Variants in SLC39A2 observed in about 807,000 individuals in gnomAD.
SLC39A2 encodes solute carrier family 39 member 2.
In SLC39A2, 14 loss-of-function variants were observed where a neutral mutation model predicts 18.0. The ratio of observed to expected loss-of-function variants is 0.78; its 90% CI spans 0.51 to 1.22. The LOEUF is 1.22. Among genes scored for constraint, SLC39A2 ranks in the 50% most tolerant of loss-of-function variants. The pLI is 0.00. For missense variants in SLC39A2, 375 were observed against 370.6 expected (o/e 1.01, Z -0.10); for synonymous variants, 152 against 153.1 (o/e 0.99, Z 0.05).
In SLC39A2 at chr14:21,001,091, G is replaced by A. The variant is rs773756116; in HGVS notation, c.442G>A (p.Glu148Lys). ...DEEWGGAHIF[E>K]LHSHGHLPSP... is the part of the protein sequence containing the mutation. ...AGAATGGGGTGGGGCTCATATCTTC[G>A]AACTCCACAGCCATGGACATTTACC... The change falls in exon 4 of 4, where the codon GAA becomes AAA. Residue 148 changes from glutamate (E) to lysine (K), a missense_variant. By Grantham distance (56) the Glu-to-Lys change is moderately conservative (BLOSUM62 1). Transcript: ENST00000298681. The A allele has an allele frequency of 2.7e-5, 43 of 1,612,884 alleles. No homozygotes were observed. The highest frequency in any genetic ancestry group is 6.7e-5 in the East Asian group (3 of 44,854).
chr14:20,999,977 A>C lies in SLC39A2; in HGVS notation c.246+105A>C, dbSNP rs1880556303. On this transcript the variant is annotated intron_variant, in intron 2 of 3. Coordinates refer to ENST00000298681, the MANE Select transcript of SLC39A2 (RefSeq NM_014579.4). ...TGGAGCCAAGGACATGGGTGGAACG[A>C]CAAGGAAAATGACAGCTCTTGTGTG... 36 of 1,517,626 alleles carry C rather than the reference A, an allele frequency of 2.4e-5. No homozygotes were observed. The Admixed American group carries it at 6.5e-4, about 27-fold the overall frequency. 94.0% of individuals were successfully genotyped at this position (1,517,626 alleles called of 1,614,324 possible). A position where few individuals can be genotyped will look rare whatever the true frequency, so the allele number is the denominator to read the frequency against.
At chr14:21,000,541 G>A (rs548872523) in intron 3 of SLC39A2, among the ~76,000 whole-genome samples, 1 of 152,210 alleles carries the variant, frequency 6.6e-6, no homozygotes, top group South Asian at 2.1e-4. Flanking sequence ...GCACAATCTC[G>A]GCTCACTGCA....
In SLC39A2 at chr14:21,001,630, C is replaced by T; in HGVS notation, c.*51C>T. 1.3e-6 allele frequency: 2 copies of T among 1,497,398 alleles called. No homozygotes were observed. Among genetic ancestry groups the T allele is most frequent in the South Asian group, 2.8e-5 (2 of 71,160 alleles). 92.8% of individuals were successfully genotyped at this position (1,497,398 alleles called of 1,614,324 possible). On this transcript the variant is annotated 3_prime_UTR_variant, in exon 4 of 4. Coordinates refer to ENST00000298681, the MANE Select transcript of SLC39A2 (RefSeq NM_014579.4). ...CTATTTAGGACAACCTCTCTATCCC[C>T]AGGGAGACCTCCCAAATGGCTTTGA...
chr14:20,999,894 C>T (rs774959083), intron 2 of SLC39A2, 22 bp downstream of exon 2: 42 of 1,613,226 alleles, frequency 2.6e-5, no homozygotes, highest in Non-Finnish European at 3.4e-5. Flanking sequence ...GATTTCAAGC[C>T]GCAGGTCTAT....
At position 20,999,506 on chromosome 14, in the gene SLC39A2, G is replaced by A; in HGVS notation, c.60G>A (p.Leu20=). ...GCLFALLALT[L]GCGLTPICFK... ...TGTTTGCCCTGTTGGCTCTCACTCTGGGCTGTGGCCTTACTCCCATCTGCT... is the reference window on the plus strand; with the variant it reads ...TGTTTGCCCTGTTGGCTCTCACTCTAGGCTGTGGCCTTACTCCCATCTGCT... Residue 20 remains leucine, a synonymous_variant, in exon 1 of 4, where the codon CTG becomes CTA. Coordinates refer to ENST00000298681, the MANE Select transcript of SLC39A2 (RefSeq NM_014579.4). 1 of 1,614,142 alleles carries A rather than the reference G, an allele frequency of 6.2e-7. No individual in the cohort carries two copies. The highest frequency in any genetic ancestry group is 8.5e-7 in the Non-Finnish European group (1 of 1,180,022).
In SLC39A2 at chr14:20,999,397, T is replaced by C. The variant is rs766577144; in HGVS notation, c.-50T>C. ...TAAGATACCACTCCTGCTCCAAAGATTACAGCTCCCTTGTCATTCTGACTC... is the reference window on the plus strand; with the variant it reads ...TAAGATACCACTCCTGCTCCAAAGACTACAGCTCCCTTGTCATTCTGACTC... On this transcript the variant is annotated 5_prime_UTR_variant, in exon 1 of 4. Transcript: ENST00000298681. The C allele has an allele frequency of 7.8e-6, 11 of 1,409,348 alleles. No individual in the cohort carries two copies. The highest frequency in any genetic ancestry group is 1.1e-5 in the Non-Finnish European group (11 of 993,920). 87.3% of individuals were successfully genotyped at this position (1,409,348 alleles called of 1,614,324 possible).
Position 21,001,601 on chromosome 14 carries a change from G to A in SLC39A2, c.*22G>A, listed in dbSNP as rs780070956. On this transcript the variant is annotated 3_prime_UTR_variant, in exon 4 of 4. Coordinates refer to ENST00000298681, the MANE Select transcript of SLC39A2 (RefSeq NM_014579.4). ...CTGAGAGATTCCTGGCTTTTCTGATGGACCTATTTAGGACAACCTCTCTAT... is the reference window on the plus strand; with the variant it reads ...CTGAGAGATTCCTGGCTTTTCTGATAGACCTATTTAGGACAACCTCTCTAT... The A allele has an allele frequency of 1.3e-6, 2 of 1,528,580 alleles. No individual in the cohort carries two copies. The highest frequency in any genetic ancestry group is 1.8e-6 in the Non-Finnish European group (2 of 1,141,000). 94.7% of individuals were successfully genotyped at this position (1,528,580 alleles called of 1,614,324 possible).
At position 21,000,113 on chromosome 14, in the gene SLC39A2, TAGAAC is replaced by T. The variant is rs1257092232; in HGVS notation, c.248_252del (p.Asn83IlefsTer4). 4 of 1,612,028 alleles carry T rather than the reference TAGAAC, an allele frequency of 2.5e-6. No individual in the cohort carries two copies. Among genetic ancestry groups the T allele is most frequent in the African/African-American group, 1.3e-5 (1 of 74,856 alleles). On this transcript the variant is annotated splice_acceptor_variant and coding_sequence_variant, in exon 3 of 4. Transcript: ENST00000298681. LOFTEE classifies it high-confidence loss of function. ...CATCTAATTTCTGCTGCTTTCTTCT[TAGAAC>T]AGATCAGCAAGTGAGAGAAATTCTT...
rs1484129477 is a variant in SLC39A2 at position 21,000,133 on chromosome 14, G to C, written c.264G>C (p.Glu88Asp). 8.7e-6 allele frequency: 14 copies of C among 1,613,188 alleles called. 2 individuals are homozygous for C. The highest frequency in any genetic ancestry group is 3.3e-4 in the Middle Eastern group (2 of 6,082). Residue 88 changes from glutamate to aspartate, a missense_variant, in exon 3 of 4, where the codon GAG (glutamate) becomes GAC (aspartate). Glu to Asp is a conservative substitution (Grantham distance 45). Transcript: ENST00000298681. ...CTTCTTAGAACAGATCAGCAAGTGA[G>C]AGAAATTCTTCTGGTGATGCTGATT... ...KFMVQNRSAS[E>D]RNSSGDADSA...
Position 21,001,573 on chromosome 14 carries a change from G to A in SLC39A2, c.924G>A (p.Trp308Ter), listed in dbSNP as rs745607282. ...GFAFMAFIAL[W>*]A The stretch of plus-strand genomic sequence containing the variant: ...CCTTCATGGCCTTTATTGCCTTGTG[G>A]GCCTGAGAGATTCCTGGCTTTTCTG... Residue 308 changes from tryptophan (W) to a stop codon, truncating the protein, a stop_gained, in exon 4 of 4, where the codon TGG (tryptophan) becomes TGA (stop). Transcript: ENST00000298681. LOFTEE classifies it high-confidence loss of function. The A allele has an allele frequency of 2.6e-6, 4 of 1,541,830 alleles. No individual in the cohort carries two copies. Among genetic ancestry groups the A allele is most frequent in the African/African-American group, 1.4e-5 (1 of 72,368 alleles).
chr14:21,000,305 A>C (rs1294386301), intron 3 of SLC39A2, 139 bp downstream of exon 3: 4 of 630,940 alleles, frequency 6.3e-6, no homozygotes, highest in Non-Finnish European at 1.1e-5. Context: ...GTAGAGGAAA[A>C]GAGGAGCAAA....
In SLC39A2 at chr14:21,001,508, G is replaced by T; in HGVS notation, c.859G>T (p.Ala287Ser). 1.2e-6 allele frequency: 2 copies of T among 1,610,302 alleles called. No individual in the cohort carries two copies. The highest frequency in any genetic ancestry group is 1.7e-6 in the Non-Finnish European group (2 of 1,178,014). The part of the protein sequence containing the change: ...ILPRELASPE[A>S]PLAKWSCVAA... ...TCCACGGGAGCTAGCTAGTCCTGAG[G>T]CCCCTCTAGCTAAGTGGAGCTGTGT... The change falls in exon 4 of 4, where the codon GCC becomes TCC. Residue 287 changes from alanine to serine, a missense_variant. Physicochemically the swap from Ala to Ser is moderately conservative, Grantham distance 99. Coordinates refer to ENST00000298681, the MANE Select transcript of SLC39A2 (RefSeq NM_014579.4).
rs890567806 is a variant in SLC39A2 at position 20,999,986 on chromosome 14, A to G, written c.246+114A>G. The G allele has an allele frequency of 8.0e-6, 12 of 1,495,976 alleles. No homozygotes were observed. The African/African-American group carries it at 1.5e-4, about 19-fold the overall frequency. 92.7% of individuals were successfully genotyped at this position (1,495,976 alleles called of 1,614,324 possible). Reference sequence around the variant, plus strand: ...GGACATGGGTGGAACGACAAGGAAAATGACAGCTCTTGTGTGGGATGGTGA... The same window carrying G: ...GGACATGGGTGGAACGACAAGGAAAGTGACAGCTCTTGTGTGGGATGGTGA... On this transcript the variant is annotated intron_variant, in intron 2 of 3. Transcript: ENST00000298681.
Position 20,999,448 on chromosome 14 carries a change from T to TG in SLC39A2, c.4dup (p.Glu2?). 6.2e-7 allele frequency: 1 copy of TG among 1,613,052 alleles called. No individual in the cohort carries two copies. Among genetic ancestry groups the TG allele is most frequent in the Non-Finnish European group, 8.5e-7 (1 of 1,178,976 alleles). Reference sequence around the variant, plus strand: ...CTGGGCTTACCCTACACCCCAGAGATGGAGCAACTACTAGGAATAAAACTT... The same window carrying TG: ...CTGGGCTTACCCTACACCCCAGAGATGGGAGCAACTACTAGGAATAAAACTT... On this transcript the variant is annotated frameshift_variant and start_lost, in exon 1 of 4. Transcript: ENST00000298681. LOFTEE classifies it high-confidence loss of function.
intron 1 of SLC39A2, 86 bp downstream of exon 1, chr14:20,999,647 C>T (rs1880539135): frequency 6.3e-7 from 1 of 1,583,980 alleles, no homozygotes; most frequent in South Asian, 1.1e-5. Context: ...CTCACCATCC[C>T]CAACCTTGGG....
intron 3 of SLC39A2, 51 bp downstream of exon 3, chr14:21,000,217 G>A (rs1205271405): frequency 7.2e-7 from 1 of 1,394,226 alleles, no homozygotes. Flanking sequence ...AACCAGAGAG[G>A]CCTTTCATAT....
Position 20,999,388 on chromosome 14 carries a change from C to A in SLC39A2, c.-59C>A. ...TTGACCACCTAAGATACCACTCCTGCTCCAAAGATTACAGCTCCCTTGTCA... is the reference window on the plus strand; with the variant it reads ...TTGACCACCTAAGATACCACTCCTGATCCAAAGATTACAGCTCCCTTGTCA... On this transcript the variant is annotated 5_prime_UTR_variant, in exon 1 of 4. Transcript: ENST00000298681. 1.5e-6 allele frequency: 2 copies of A among 1,308,978 alleles called. No individual in the cohort carries two copies. Among genetic ancestry groups the A allele is most frequent in the Non-Finnish European group, 2.2e-6 (2 of 903,290 alleles). The allele number at this position is 1,308,978 out of a possible 1,614,324, so 81.1% of individuals were successfully genotyped here.
Position 21,001,427 on chromosome 14 carries a change from G to C in SLC39A2, c.778G>C (p.Val260Leu). 1 of 1,614,080 alleles carries C rather than the reference G, an allele frequency of 6.2e-7. No individual in the cohort carries two copies. The highest frequency in any genetic ancestry group is 1.7e-5 in the Admixed American group (1 of 60,022). The change falls in exon 4 of 4, where the codon GTG becomes CTG. Residue 260 changes from valine (V) to leucine (L), a missense_variant. By Grantham distance (32) the Val-to-Leu change is conservative. Coordinates refer to ENST00000298681, the MANE Select transcript of SLC39A2 (RefSeq NM_014579.4). ...SEGGRGLAQAVLEGVAAGTFL... is the reference protein window; with the variant it reads ...SEGGRGLAQALLEGVAAGTFL... The stretch of plus-strand genomic sequence containing the variant: ...AGGAGGGCGGGGCTTAGCCCAGGCT[G>C]TGTTAGAGGGTGTGGCAGCTGGTAC...
rs554255537 is a variant in SLC39A2, at chr14:21,001,409, C to T, written c.760C>T (p.Arg254Trp). Residue 254 changes from arginine to tryptophan, a missense_variant, in exon 4 of 4, where the codon CGG becomes TGG. Coordinates refer to ENST00000298681, the MANE Select transcript of SLC39A2 (RefSeq NM_014579.4). ...AVTGGDSEGG[R>W]GLAQAVLEGV... is the part of the protein sequence containing the mutation. ...GACTGGAGGGGACTCTGAAGGAGGGCGGGGCTTAGCCCAGGCTGTGTTAGA... is the reference window on the plus strand; with the variant it reads ...GACTGGAGGGGACTCTGAAGGAGGGTGGGGCTTAGCCCAGGCTGTGTTAGA... 15 of 1,613,948 alleles carry T rather than the reference C, an allele frequency of 9.3e-6. No homozygotes were observed. Among genetic ancestry groups the T allele is most frequent in the East Asian group, 4.5e-5 (2 of 44,886 alleles).
Sources: allele counts gnomAD v4.1 joint callset (sites outside exome capture counted in the v4.1 genomes callset), GRCh38; gene constraint gnomAD v4.1.1; transcripts MANE v1.5; gene names NCBI Gene and HGNC (gene_info 2026-07-23, HGNC 2026-07-21).